Variants in GABBR2 observed in about 807,000 individuals in gnomAD.
The protein encoded by GABBR2 is G-protein coupled receptor 51.
GABBR2 carries 23 observed loss-of-function variants against 105.6 expected under a neutral mutation model. The ratio of observed to expected loss-of-function variants is 0.22; its 90% CI spans 0.16 to 0.31. The LOEUF (loss-of-function observed/expected upper bound fraction) is 0.31. Among genes scored for constraint, GABBR2 ranks in the 10% least tolerant of loss-of-function variants. The probability of loss-of-function intolerance (pLI) is 1.00; values close to 1 mark genes in which losing one functional copy is unlikely to be tolerated. For missense variants in GABBR2, 734 were observed against 1,245.5 expected (o/e 0.59, Z 6.18); for synonymous variants, 478 against 499.7 (o/e 0.96, Z 0.58).
In GABBR2 at chr9:98,463,588, G is replaced by A. The variant is rs956776914; in HGVS notation, c.1000-9371C>T. ...AGAAACAGAGCTCTCCCTCTCCCTC[G>A]CCCTCTCGCTCTCCGTCTCGCTCTC... On this transcript the variant is annotated intron_variant, in intron 6 of 18. Coordinates refer to ENST00000259455, the MANE Select transcript of GABBR2 (RefSeq NM_005458.8). Among the ~76,000 whole-genome samples the A allele has an allele frequency of 4.9e-4, 68 of 138,230 alleles. 1 individual carries two copies. The South Asian group carries it at 0.015, about 31-fold the overall frequency. 90.7% of individuals were successfully genotyped at this position (138,230 alleles called of 152,430 possible).
At chr9:98,675,076 T>C (rs1278986959) in intron 1 of GABBR2, among the ~76,000 whole-genome samples, 2 of 152,116 alleles carry the variant, frequency 1.3e-5, no homozygotes, top group Admixed American at 6.5e-5. Context: ...TTAGAGGGTC[T>C]AGGGAAGAGG....
intron 17 of GABBR2, among the ~76,000 whole-genome samples, chr9:98,297,708 C>A (rs1830404124): frequency 6.7e-6 from 1 of 149,752 alleles, no homozygotes. Context: ...TGGAAAAATC[C>A]AAGCCATAGA....
Position 98,348,382 on chromosome 9 carries a change from A to C in GABBR2, c.1893+14333T>G, listed in dbSNP as rs924200179. 6.6e-5 allele frequency among the ~76,000 whole-genome samples: 10 copies of C among 152,148 alleles called. 1 individual carries two copies. The highest frequency in any genetic ancestry group is 6.5e-4 in the Admixed American group (10 of 15,276). ...CAAGTAGTTGAATGCCTTCTGCTTTATATCTTTTGCTCAGTATTGCCTTGG... is the reference window on the plus strand; with the variant it reads ...CAAGTAGTTGAATGCCTTCTGCTTTCTATCTTTTGCTCAGTATTGCCTTGG... On this transcript the variant is annotated intron_variant, in intron 13 of 18. Transcript: ENST00000259455.
intron 12 of GABBR2, among the ~76,000 whole-genome samples, chr9:98,366,009 T>C (rs1171909639): frequency 6.6e-6 from 1 of 152,216 alleles, no homozygotes; most frequent in Non-Finnish European, 1.5e-5. Flanking sequence ...AGGTACTTAG[T>C]GGCAGATGAG....
chr9:98,478,187 C>T (rs964911689), intron 5 of GABBR2, among the ~76,000 whole-genome samples: 16 of 152,224 alleles, frequency 1.1e-4, no homozygotes, highest in South Asian at 2.1e-4. Context: ...CACAGCAACA[C>T]GCTGTAAAGT....
At chr9:98,380,960 A>G (rs1458683476) in intron 11 of GABBR2, among the ~76,000 whole-genome samples, 1 of 152,230 alleles carries the variant, frequency 6.6e-6, no homozygotes. Flanking sequence ...ATGGCAGCAG[A>G]GCAGACAGAA....
At chr9:98,578,947 G>A (rs776737576) in intron 1 of GABBR2, among the ~76,000 whole-genome samples, 2 of 152,172 alleles carry the variant, frequency 1.3e-5, no homozygotes, top group African/African-American at 4.8e-5. Context: ...GTGGTTGCCC[G>A]GGGCTGGGGG....
chr9:98,446,033 C>T (rs995144058), intron 7 of GABBR2, among the ~76,000 whole-genome samples: 2 of 152,194 alleles, frequency 1.3e-5, no homozygotes, highest in African/African-American at 4.8e-5. Context: ...TGAATGGCCA[C>T]AGGAGAGAAC....
At chr9:98,431,067 G>T (rs904987882) in intron 7 of GABBR2, among the ~76,000 whole-genome samples, 3 of 151,786 alleles carry the variant, frequency 2.0e-5, no homozygotes, top group African/African-American at 7.3e-5. Context: ...CTGGACTTTG[G>T]CTGGCTGCTT....
At chr9:98,556,999 G>A (rs1228727374) in intron 2 of GABBR2, among the ~76,000 whole-genome samples, 1 of 152,320 alleles carries the variant, frequency 6.6e-6, no homozygotes, top group East Asian at 1.9e-4. Context: ...AGCCGTGATA[G>A]TGCCACTGTA....
At chr9:98,463,769 G>T (rs1295089755) in intron 6 of GABBR2, among the ~76,000 whole-genome samples, 7 of 152,068 alleles carry the variant, frequency 4.6e-5, no homozygotes, top group African/African-American at 1.7e-4. Context: ...CCTAGTGCCT[G>T]GGATTCCAGG....
intron 1 of GABBR2, among the ~76,000 whole-genome samples, chr9:98,630,451 G>C (rs59896813): frequency 0.015 from 2,297 of 152,236 alleles, 60 homozygotes; most frequent in African/African-American, 0.053. Flanking sequence ...GTGGATACCT[G>C]GCATCAGGTG....
In GABBR2 at chr9:98,303,399, C is replaced by T; in HGVS notation, c.2254G>A (p.Asp752Asn). 6.2e-7 allele frequency: 1 copy of T among 1,614,190 alleles called. No homozygotes were observed. The highest frequency in any genetic ancestry group is 8.5e-7 in the Non-Finnish European group (1 of 1,180,024). ...AATCGCCTGTTCTGCGTTGCTGCAT[C>T]TGGGTTTGTTCTCAGGGTGATGAGC... is the stretch of plus-strand genomic sequence containing the variant. ...PKLITLRTNP[D>N]AATQNRRFQF... Residue 752 changes from aspartate (D) to asparagine (N), a missense_variant, in exon 16 of 19, where the codon GAT becomes AAT. By Grantham distance (23) the Asp-to-Asn change is conservative. Transcript: ENST00000259455.
chr9:98,513,620 A>C (rs1330605664), intron 3 of GABBR2, among the ~76,000 whole-genome samples: 1 of 151,968 alleles, frequency 6.6e-6, no homozygotes, highest in Non-Finnish European at 1.5e-5. Flanking sequence ...ACTTCTCAAA[A>C]GAAGACATTT....
intron 1 of GABBR2, among the ~76,000 whole-genome samples, chr9:98,590,218 G>A (rs924939426): frequency 2.6e-5 from 4 of 152,172 alleles, no homozygotes; most frequent in African/African-American, 9.7e-5. Flanking sequence ...ATTAACTCCA[G>A]CCATCTTGAG....
intron 1 of GABBR2, among the ~76,000 whole-genome samples, chr9:98,602,071 G>A (rs966929787): frequency 1.3e-5 from 2 of 152,070 alleles, no homozygotes; most frequent in African/African-American, 4.8e-5. Context: ...TGTGATGACA[G>A]CTCACTGCAG....
At chr9:98,351,061 G>A (rs12005876) in intron 13 of GABBR2, among the ~76,000 whole-genome samples, 3,319 of 151,922 alleles carry the variant, frequency 0.022, 126 homozygotes, top group African/African-American at 0.076. Context: ...AATTCTGCAC[G>A]CTTTTGGTTT....
intron 13 of GABBR2, among the ~76,000 whole-genome samples, chr9:98,331,195 C>T (rs900302197): frequency 6.6e-6 from 1 of 152,142 alleles, no homozygotes; most frequent in Non-Finnish European, 1.5e-5. Flanking sequence ...TTATAAATAG[C>T]TCTCCTATAA....
At chr9:98,360,936 C>T (rs1389015268) in intron 13 of GABBR2, among the ~76,000 whole-genome samples, 1 of 152,304 alleles carries the variant, frequency 6.6e-6, no homozygotes, top group Non-Finnish European at 1.5e-5. Context: ...CACACTGAGC[C>T]ACTGTGCCTC....
Sources: allele counts gnomAD v4.1 joint callset (sites outside exome capture counted in the v4.1 genomes callset), GRCh38; gene constraint gnomAD v4.1.1; transcripts MANE v1.5; gene names NCBI Gene and HGNC (gene_info 2026-07-23, HGNC 2026-07-21).